BRI3: variants seen among roughly 807,000 people sequenced by gnomAD.
The protein encoded by BRI3 is brain protein I3.
Under a neutral mutation model 12.8 loss-of-function variants are expected in BRI3, and 6 were observed. That is an observed-to-expected ratio of 0.47 (90% CI 0.26 to 0.93). The LOEUF (loss-of-function observed/expected upper bound fraction) is 0.93. BRI3 is among the 40% of genes least tolerant of loss of function. The pLI, the probability that BRI3 is intolerant of heterozygous loss-of-function variation, is 0.15. For missense variants in BRI3, 134 were observed against 171.1 expected, an observed-to-expected ratio of 0.78 and a Z score of 1.21; for synonymous variants, 91 against 76.1, an observed-to-expected ratio of 1.20 and a Z score of -1.02.
chr7:98,321,663 C>T, the BRI3 span, among the ~76,000 whole-genome samples: 11 of 152,306 alleles, frequency 7.2e-5, no homozygotes, highest in Admixed American at 1.3e-4. Flanking sequence ...AGGAACCAAA[C>T]GGGTTTCCTA....
chr7:98,310,403 A>C (rs766860594), exon 2 of BRI3: 6 of 1,553,734 alleles, frequency 3.9e-6, no homozygotes, highest in Non-Finnish European at 3.5e-6. Context: ...CTTAAAACAA[A>C]TGTAAAAGGT....
chr7:98,291,041 G>A (rs933582603), intron 2 of BRI3, 70 bp from the exon 3 acceptor site: 3 of 1,574,440 alleles, frequency 1.9e-6, no homozygotes, highest in South Asian at 1.1e-5. Context: ...GAATGCAAGG[G>A]TGGCAGGGGT....
At chr7:98,308,024 C>A (rs1800726883) in exon 2 of BRI3, 1 of 900,962 alleles carries the variant, frequency 1.1e-6, no homozygotes, top group Admixed American at 1.9e-5. Context: ...CGGAAACTGA[C>A]CCTGTCCTAT....
At chr7:98,294,184 G>A (rs1313388093), downstream of BRI3, 2 of 1,516,850 alleles carry the variant, frequency 1.3e-6, no homozygotes, top group Non-Finnish European at 1.8e-6. Context: ...GTAGAGATGG[G>A]GATTTGCTAT....
chr7:98,307,889 G>T, exon 2 of BRI3: 1 of 1,614,130 alleles, frequency 6.2e-7, no homozygotes. Flanking sequence ...TGGGATCTTC[G>T]GAAGTACCTG....
At position 98,291,016 on chromosome 7, in the gene BRI3, C is replaced by T. The variant is rs1381303472; in HGVS notation, c.246-95C>T. On this transcript the variant is annotated intron_variant, in intron 2 of 2. Transcript: ENST00000297290. ...CAGAGGTCCCCATGTGACTCATGGC[C>T]ACTGGTTGGTTATTGAATGCAAGGG... 3.5e-6 allele frequency: 5 copies of T among 1,421,972 alleles called. No individual in the cohort carries two copies. The East Asian group carries it at 6.9e-5, about 20-fold the overall frequency. The allele number at this position is 1,421,972 out of a possible 1,614,324, so 88.1% of individuals were successfully genotyped here. A position where few individuals can be genotyped will look rare whatever the true frequency, so the allele number is the denominator to read the frequency against.
At chr7:98,312,391 T>A, downstream of BRI3, 1 of 1,024,154 alleles carries the variant, frequency 9.8e-7, no homozygotes, top group Non-Finnish European at 1.4e-6. Flanking sequence ...GGCCCTGGGT[T>A]AAACTCGGTG....
At chr7:98,309,100 T>A (rs1281251378) in exon 2 of BRI3, 1 of 152,030 alleles carries the variant, frequency 6.6e-6, no homozygotes, top group Non-Finnish European at 1.5e-5. Flanking sequence ...AACATAAACC[T>A]GCGCCCCCTT....
At chr7:98,311,991 G>C (rs771284783), downstream of BRI3, 2 of 1,178,686 alleles carry the variant, frequency 1.7e-6, no homozygotes, top group Non-Finnish European at 2.4e-6. Context: ...GGTGGTCCTG[G>C]AAGTAATAAA....
At chr7:98,320,261 T>A in the BRI3 span, 5 of 1,609,782 alleles carry the variant, frequency 3.1e-6, no homozygotes, top group Non-Finnish European at 4.2e-6. Context: ...TCTCGTTGAG[T>A]TTCTTGTGGG....
chr7:98,285,418 G>C (rs978514626), intron 2 of BRI3, among the ~76,000 whole-genome samples: 1 of 152,222 alleles, frequency 6.6e-6, no homozygotes, highest in African/African-American at 2.4e-5. Flanking sequence ...GAGCTCCCCT[G>C]GTTGAGGAAG....
At chr7:98,317,336 T>C in the BRI3 span, 10 of 1,614,130 alleles carry the variant, frequency 6.2e-6, no homozygotes, top group South Asian at 9.9e-5. Flanking sequence ...TGTGTTCTGT[T>C]TGGTATCTTT....
intron 1 of BRI3, among the ~76,000 whole-genome samples, chr7:98,299,400 C>G (rs942462134): frequency 1.3e-5 from 2 of 152,138 alleles, no homozygotes; most frequent in African/African-American, 4.8e-5. Flanking sequence ...TCAAATGATC[C>G]TCCCGCCTCG....
At chr7:98,282,136 G>A (rs1331999344) in intron 1 of BRI3, among the ~76,000 whole-genome samples, 199 bp downstream of exon 1, 1 of 152,188 alleles carries the variant, frequency 6.6e-6, no homozygotes, top group Non-Finnish European at 1.5e-5. Flanking sequence ...TCGTAACCCG[G>A]CGGGGCCGGA....
At chr7:98,286,498 A>G (rs1274809788) in intron 2 of BRI3, among the ~76,000 whole-genome samples, 1 of 152,158 alleles carries the variant, frequency 6.6e-6, no homozygotes, top group Non-Finnish European at 1.5e-5. Flanking sequence ...GCCGGTCAGG[A>G]CCAGAGCGGT....
At chr7:98,296,396 T>C (rs982634309), downstream of BRI3, among the ~76,000 whole-genome samples, 2 of 152,080 alleles carry the variant, frequency 1.3e-5, no homozygotes, top group Admixed American at 6.5e-5. Flanking sequence ...GAGGCTGAGG[T>C]GGGCGCATCA....
At chr7:98,290,281 C>A (rs867981545) in intron 2 of BRI3, among the ~76,000 whole-genome samples, 1 of 148,538 alleles carries the variant, frequency 6.7e-6, no homozygotes, top group Non-Finnish European at 1.5e-5. Flanking sequence ...CTGCAAGCTC[C>A]GCTTCCTGGG....
At chr7:98,304,172 A>G (rs762312840), upstream of BRI3, 47 of 1,546,040 alleles carry the variant, frequency 3.0e-5, no homozygotes, top group Non-Finnish European at 4.0e-5. Flanking sequence ...AGGACCCAGG[A>G]CGCCCTGCTG....
intron 2 of BRI3, among the ~76,000 whole-genome samples, chr7:98,289,007 C>T (rs899340695): frequency 3.3e-5 from 5 of 152,076 alleles, no homozygotes; most frequent in Admixed American, 2.6e-4. Context: ...GTTGCCCAGG[C>T]TAGAGTGCAG....
Sources: gnomAD v4.1 joint callset for allele counts (sites outside exome capture counted in the v4.1 genomes callset) on GRCh38, gnomAD v4.1.1 for gene constraint, MANE v1.5 for transcripts, NCBI Gene and HGNC (gene_info 2026-07-23, HGNC 2026-07-21) for gene names.